The following NEO1 variants were observed in gnomAD, a reference collection of about 807,000 sequenced individuals.
NEO1 encodes neogenin 1.
NEO1 carries 63 observed loss-of-function variants against 159.7 expected under a neutral mutation model. That is an observed-to-expected ratio of 0.39 (90% CI 0.32 to 0.49). The LOEUF is 0.49. Among genes scored for constraint, NEO1 ranks in the 20% least tolerant of loss-of-function variants. The pLI, the probability that NEO1 is intolerant of heterozygous loss-of-function variation, is 0.85. For missense variants in NEO1, 1,615 were observed against 1,831.0 expected, an observed-to-expected ratio of 0.88 and a Z score of 2.15; for synonymous variants, 633 against 662.0, an observed-to-expected ratio of 0.96 and a Z score of 0.67.
rs1467791251 is a variant in NEO1, at chr15:73,052,499, G to A, written c.-177G>A. ...CCCCTTGCAGGAGGGAGGCGCCCTG[G>A]AGTCTCCCCTCCAGCGAGAGGGGCT... On this transcript the variant is annotated 5_prime_UTR_variant, in exon 1 of 29. Transcript: ENST00000261908. 4.8e-6 allele frequency: 1 copy of A among 206,472 alleles called. No individual in the cohort carries two copies. Among genetic ancestry groups the A allele is most frequent in the Non-Finnish European group, 9.3e-6 (1 of 108,016 alleles). 12.8% of individuals were successfully genotyped at this position (206,472 alleles called of 1,614,324 possible).
chr15:73,274,081 TAG>T, intron 20 of NEO1, 76 bp downstream of exon 20: 1 of 1,366,856 alleles, frequency 7.3e-7, no homozygotes, highest in South Asian at 1.3e-5. Flanking sequence ...CTTGAGCATA[TAG>T]AGTCTGTGGA....
At chr15:73,052,264 C>CGCGCGT (rs978620633), upstream of NEO1, among the ~76,000 whole-genome samples, 13 of 144,582 alleles carry the variant, frequency 9.0e-5, no homozygotes, top group African/African-American at 3.0e-4. Context: ...GGGCGAGGCG[C>CGCGCGT]GCGCGTGCGC....
chr15:73,161,967 T>G (rs1479336), intron 5 of NEO1: 179,391 of 202,842 alleles, frequency 0.88, 80,155 homozygotes, highest in Admixed American at 0.94. Flanking sequence ...AGTTTGTTTG[T>G]TTTTTTTTCT....
chr15:73,178,617 G>A (rs1245309652), intron 7 of NEO1, among the ~76,000 whole-genome samples, 190 bp downstream of exon 7: 1 of 151,664 alleles, frequency 6.6e-6, no homozygotes, highest in African/African-American at 2.4e-5. Context: ...TTTGGATAAT[G>A]TTGAAAAGAA....
At chr15:73,288,959 G>T in intron 24 of NEO1, 187 bp from the exon 25 acceptor site, 2 of 590,266 alleles carry the variant, frequency 3.4e-6, no homozygotes, top group Non-Finnish European at 6.1e-6. Context: ...CATCCACATT[G>T]ATTCAGCAGG....
chr15:73,052,738 G>A lies in NEO1; in HGVS notation c.63G>A (p.Leu21=). The part of the protein sequence containing the change: ...LSTPSFWLYC[L]LLLGRRAPGA... ...CCCCCTCCTTCTGGCTCTACTGCCT[G>A]CTGCTGCTCGGGCGCCGGGCGCCGG... The change falls in exon 1 of 29, where the codon CTG becomes CTA. Residue 21 remains leucine (L), a synonymous_variant. Transcript: ENST00000261908. 7.6e-7 allele frequency: 1 copy of A among 1,315,314 alleles called. No homozygotes were observed. Among genetic ancestry groups the A allele is most frequent in the Non-Finnish European group, 9.7e-7 (1 of 1,025,834 alleles). The allele number at this position is 1,315,314 out of a possible 1,614,324, so 81.5% of individuals were successfully genotyped here. A position where few individuals can be genotyped will look rare whatever the true frequency, so the allele number is the denominator to read the frequency against.
chr15:73,235,684 A>G (rs1415679863), intron 7 of NEO1, among the ~76,000 whole-genome samples: 2 of 152,242 alleles, frequency 1.3e-5, no homozygotes, highest in Non-Finnish European at 2.9e-5. Context: ...ACAGCAAGGT[A>G]TAACTTACAA....
intron 4 of NEO1, among the ~76,000 whole-genome samples, chr15:73,132,593 C>T (rs1185180345): frequency 6.6e-6 from 1 of 152,106 alleles, no homozygotes; most frequent in East Asian, 1.9e-4. Flanking sequence ...GTAGAGTAAA[C>T]AGACAACCCA....
intron 8 of NEO1, among the ~76,000 whole-genome samples, chr15:73,237,292 T>G (rs1158897824): frequency 6.6e-6 from 1 of 152,228 alleles, no homozygotes; most frequent in African/African-American, 2.4e-5. Flanking sequence ...TCCCTAATAT[T>G]GGCACTTGAT....
rs1191478660 is a variant in NEO1, at chr15:73,293,525, T to G, written c.3878T>G (p.Leu1293Arg). 2 of 1,614,014 alleles carry G rather than the reference T, an allele frequency of 1.2e-6. No homozygotes were observed. The highest frequency in any genetic ancestry group is 2.7e-5 in the African/African-American group (2 of 74,902). The change falls in exon 26 of 29, where the codon CTT becomes CGT. Residue 1293 changes from leucine (L) to arginine (R), a missense_variant. This residue lies in a region of NEO1 where 471 missense variants were observed against 498.9 expected (regional missense o/e 0.94). Transcript: ENST00000261908. ...TGGCCCATTGGCACATCCATGTCCC[T>G]TTCAGACAGGGCCAATTCCACAGGT... Reference protein sequence around the residue: ...SPWPIGTSMSLSDRANSTESV... With the variant: ...SPWPIGTSMSRSDRANSTESV...
At chr15:73,143,785 CT>C (rs2151796416) in intron 5 of NEO1, among the ~76,000 whole-genome samples, 1 of 152,292 alleles carries the variant, frequency 6.6e-6, no homozygotes, top group Admixed American at 6.5e-5. Context: ...CTACAATTTC[CT>C]GATAGACCCT....
At chr15:73,130,943 C>G (rs949878516) in intron 4 of NEO1, among the ~76,000 whole-genome samples, 2 of 152,194 alleles carry the variant, frequency 1.3e-5, no homozygotes, top group African/African-American at 4.8e-5. Context: ...TAGTGGGGAG[C>G]TGGAACTCCC....
At chr15:73,104,912 G>A (rs981374760) in intron 1 of NEO1, among the ~76,000 whole-genome samples, 10 of 152,012 alleles carry the variant, frequency 6.6e-5, no homozygotes, top group Non-Finnish European at 1.0e-4. Context: ...GGGGAAATGC[G>A]CCCCATGATC....
At chr15:73,195,222 C>G (rs1208952341) in intron 7 of NEO1, among the ~76,000 whole-genome samples, 2 of 152,080 alleles carry the variant, frequency 1.3e-5, no homozygotes, top group African/African-American at 4.8e-5. Flanking sequence ...AAGAAAGAAT[C>G]TATTATGCAG....
At chr15:73,066,178 C>T (rs935972928) in intron 1 of NEO1, among the ~76,000 whole-genome samples, 8 of 151,400 alleles carry the variant, frequency 5.3e-5, no homozygotes, top group South Asian at 2.1e-4. Flanking sequence ...CCACCATGCC[C>T]GGCTAATTTT....
Position 73,126,527 on chromosome 15 carries a change from A to G in NEO1, c.835A>G (p.Thr279Ala). 6.2e-7 allele frequency: 1 copy of G among 1,613,748 alleles called. No individual in the cohort carries two copies. The highest frequency in any genetic ancestry group is 1.1e-5 in the South Asian group (1 of 90,976). ...PCVASGLPTP[T>A]IKWMKNEEAL... Reference sequence around the variant, plus strand: ...TGTTGCTTCAGGACTTCCTACTCCAACCATTAAATGGATGAAAAATGAGGA... The same window carrying G: ...TGTTGCTTCAGGACTTCCTACTCCAGCCATTAAATGGATGAAAAATGAGGA... The change falls in exon 4 of 29, where the codon ACC becomes GCC. Residue 279 changes from threonine to alanine, a missense_variant. Physicochemically the swap from Thr to Ala is moderately conservative, Grantham distance 58. This residue lies in a region of NEO1 where 1,018 missense variants were observed against 1,115.4 expected (regional missense o/e 0.91). Coordinates refer to ENST00000261908, the MANE Select transcript of NEO1 (RefSeq NM_002499.4).
chr15:73,249,465 T>C lies in NEO1; in HGVS notation c.1756-118T>C, dbSNP rs2039961649. 2.6e-6 allele frequency: 3 copies of C among 1,152,024 alleles called. No individual in the cohort carries two copies. The African/African-American group carries it at 4.7e-5, about 18-fold the overall frequency. 71.4% of individuals were successfully genotyped at this position (1,152,024 alleles called of 1,614,324 possible). On this transcript the variant is annotated intron_variant, in intron 10 of 28. Coordinates refer to ENST00000261908, the MANE Select transcript of NEO1 (RefSeq NM_002499.4). ...CTGCTTTGACTATTGAAGAACCTTA[T>C]GTAGAAGGGATAAAATCTGTTTCAT...
chr15:73,251,566 G>GTTATACC (rs1041941719), intron 11 of NEO1, among the ~76,000 whole-genome samples: 1 of 151,566 alleles, frequency 6.6e-6, no homozygotes, highest in Non-Finnish European at 1.5e-5. Flanking sequence ...ATTACAGGCG[G>GTTATACC]TTATACCTTA....
In NEO1 at chr15:73,097,482, T is replaced by A. The variant is rs543491188; in HGVS notation, c.131-19058T>A. ...TTCAAGCGATTCTGCTGGCTCAGCCTCCCAGGTAGCTGGGATTACAGGTGT... is the reference window on the plus strand; with the variant it reads ...TTCAAGCGATTCTGCTGGCTCAGCCACCCAGGTAGCTGGGATTACAGGTGT... On this transcript the variant is annotated intron_variant, in intron 1 of 28. Transcript: ENST00000261908. 2.1e-3 allele frequency among the ~76,000 whole-genome samples: 308 copies of A among 149,694 alleles called. 2 individuals carry two copies. Among genetic ancestry groups the A allele is most frequent in the African/African-American group, 7.2e-3 (294 of 40,862 alleles).
Sources: gnomAD v4.1 joint callset for allele counts (sites outside exome capture counted in the v4.1 genomes callset) on GRCh38, gnomAD v4.1.1 for gene constraint, gnomAD v4.1.1 regional missense constraint, MANE v1.5 for transcripts, NCBI Gene and HGNC (gene_info 2026-07-23, HGNC 2026-07-21) for gene names.